Variants in ZRANB3 observed in about 807,000 individuals in gnomAD.
The protein encoded by ZRANB3 is DNA annealing helicase and endonuclease ZRANB3.
ZRANB3 carries 125 observed loss-of-function variants against 133.8 expected under a neutral mutation model. The ratio of observed to expected loss-of-function variants is 0.93; its 90% confidence interval spans 0.81 to 1.08. The LOEUF (loss-of-function observed/expected upper bound fraction) is 1.08, where lower values mean the gene tolerates loss of function less well. Ranked by LOEUF, ZRANB3 falls within the 50% of genes least tolerant of loss-of-function variation. The pLI is 0.00. For synonymous variants in ZRANB3, 387 were observed against 432.7 expected (o/e 0.89, Z 1.31); for missense variants, 1,229 against 1,275.5 (o/e 0.96, Z 0.56).
At position 135,303,961 on chromosome 2, in the gene ZRANB3, C is replaced by T. The variant is rs1157853692; in HGVS notation, c.966+9528G>A. On this transcript the variant is annotated intron_variant, in intron 8 of 20. Transcript: ENST00000264159. ...TATTGCCAGTATACAGAACGAGAAACGATTTTTATATGTTGAACATGAATT... is the reference window on the plus strand; with the variant it reads ...TATTGCCAGTATACAGAACGAGAAATGATTTTTATATGTTGAACATGAATT... Among the ~76,000 whole-genome samples, 6 of 152,140 alleles carry T rather than the reference C, an allele frequency of 3.9e-5. No individual in the cohort carries two copies. The East Asian group carries it at 7.7e-4, about 20-fold the overall frequency.
At chr2:135,201,348 G>T (rs1216844110) in intron 20 of ZRANB3, among the ~76,000 whole-genome samples, 1 of 152,076 alleles carries the variant, frequency 6.6e-6, no homozygotes, top group Non-Finnish European at 1.5e-5. Flanking sequence ...GGCGGAAACA[G>T]TAAGGACAGA....
At chr2:135,230,964 C>G in intron 12 of ZRANB3, 37 bp from the exon 13 acceptor site, 1 of 1,501,898 alleles carries the variant, frequency 6.7e-7, no homozygotes, top group Non-Finnish European at 8.9e-7. Flanking sequence ...AAGTAAGAAG[C>G]AATCTAATAT....
At chr2:135,268,932 C>A in intron 11 of ZRANB3, 30 bp downstream of exon 11, 1 of 1,576,086 alleles carries the variant, frequency 6.3e-7, no homozygotes, top group Admixed American at 1.8e-5. Context: ...AGTAAGTAAG[C>A]TGCTAACTTG....
intron 2 of ZRANB3, among the ~76,000 whole-genome samples, chr2:135,432,600 T>C (rs1366582455): frequency 6.6e-6 from 1 of 152,214 alleles, no homozygotes; most frequent in African/African-American, 2.4e-5. Context: ...TTAACACTTA[T>C]GAATGCCAGG....
intron 2 of ZRANB3, among the ~76,000 whole-genome samples, chr2:135,410,199 C>A (rs1688240165): frequency 6.6e-6 from 1 of 152,080 alleles, no homozygotes; most frequent in Non-Finnish European, 1.5e-5. Context: ...GCAAAAAGAA[C>A]AAAGCTGGAG....
At chr2:135,436,120 T>C (rs1445022178) in intron 2 of ZRANB3, among the ~76,000 whole-genome samples, 2 of 152,210 alleles carry the variant, frequency 1.3e-5, no homozygotes, top group Non-Finnish European at 2.9e-5. Context: ...TTTTGGGTTT[T>C]ACATTTGAGT....
chr2:135,286,048 T>A (rs1013274606), intron 8 of ZRANB3, among the ~76,000 whole-genome samples: 13 of 152,252 alleles, frequency 8.5e-5, no homozygotes, highest in East Asian at 3.8e-4. Context: ...ATCATTATTT[T>A]AAAAAATGTT....
chr2:135,328,144 C>A (rs546373026), intron 6 of ZRANB3, among the ~76,000 whole-genome samples: 6 of 151,992 alleles, frequency 3.9e-5, no homozygotes, highest in African/African-American at 1.4e-4. Flanking sequence ...TTTACATGTG[C>A]CACGTTGGTT....
chr2:135,251,467 G>C (rs1679390549), intron 12 of ZRANB3, among the ~76,000 whole-genome samples: 1 of 152,156 alleles, frequency 6.6e-6, no homozygotes, highest in Non-Finnish European at 1.5e-5. Flanking sequence ...TAGTTTGGCT[G>C]TGTCCCCACC....
At chr2:135,438,976 ATATTTACC>A (rs1232561063) in intron 2 of ZRANB3, among the ~76,000 whole-genome samples, 1 of 152,216 alleles carries the variant, frequency 6.6e-6, no homozygotes. Context: ...AGGCTGAAAT[ATATTTACC>A]TTACCTTCTA....
chr2:135,484,355 C>T (rs1182855257), intron 2 of ZRANB3, among the ~76,000 whole-genome samples: 1 of 152,146 alleles, frequency 6.6e-6, no homozygotes, highest in East Asian at 1.9e-4. Flanking sequence ...CAATCACAAG[C>T]TTCTTACATC....
intron 2 of ZRANB3, among the ~76,000 whole-genome samples, chr2:135,431,165 AC>A (rs555618014): frequency 1.9e-3 from 286 of 151,324 alleles, no homozygotes; most frequent in African/African-American, 6.5e-3. Flanking sequence ...GGTGGCACAT[AC>A]CTATAATCCC....
chr2:135,494,307 C>CAAAA (rs770757530), intron 2 of ZRANB3, among the ~76,000 whole-genome samples: 2 of 51,308 alleles, frequency 3.9e-5, no homozygotes, highest in Non-Finnish European at 4.0e-5. Flanking sequence ...GACTCCGTCT[C>CAAAA]AAAAAAAAAA....
chr2:135,207,971 TAC>T (rs1344351920), intron 18 of ZRANB3, 135 bp from the exon 19 acceptor site: 3 of 873,542 alleles, frequency 3.4e-6, no homozygotes, highest in Admixed American at 3.0e-5. Flanking sequence ...ATAAAATAGT[TAC>T]AGTCAGCACT....
intron 1 of ZRANB3, among the ~76,000 whole-genome samples, chr2:135,525,357 G>T (rs1488300832): frequency 1.3e-5 from 2 of 152,074 alleles, no homozygotes; most frequent in African/African-American, 2.4e-5. Flanking sequence ...ACCATTAGTA[G>T]GAAAGAAAAT....
intron 2 of ZRANB3, among the ~76,000 whole-genome samples, chr2:135,473,726 A>G (rs1691381071): frequency 6.6e-6 from 1 of 152,180 alleles, no homozygotes; most frequent in African/African-American, 2.4e-5. Context: ...TCATTGTCAA[A>G]GATTTCTGGC....
chr2:135,403,039 C>T (rs113770494), intron 2 of ZRANB3, among the ~76,000 whole-genome samples: 6,892 of 152,132 alleles, frequency 0.045, 530 homozygotes, highest in African/African-American at 0.16. Context: ...ACGCAGAAGA[C>T]GGGTGATTTC....
chr2:135,303,095 T>C (rs1233474532), intron 8 of ZRANB3, among the ~76,000 whole-genome samples: 7 of 152,122 alleles, frequency 4.6e-5, no homozygotes, highest in Non-Finnish European at 1.0e-4. Context: ...AAACTGAAAA[T>C]TAAGACATGG....
chr2:135,229,531 C>G (rs942649773), intron 13 of ZRANB3, among the ~76,000 whole-genome samples: 1 of 151,724 alleles, frequency 6.6e-6, no homozygotes, highest in Non-Finnish European at 1.5e-5. Context: ...CCACGCCCGG[C>G]TAATTTTTTG....
Sources: allele counts gnomAD v4.1 joint callset (sites outside exome capture counted in the v4.1 genomes callset), GRCh38; gene constraint gnomAD v4.1.1; transcripts MANE v1.5; gene names NCBI Gene and HGNC (gene_info 2026-07-23, HGNC 2026-07-21).